HERC6: variants seen among roughly 807,000 people sequenced by gnomAD.
HERC6 encodes the protein HECT and RLD domain containing E3 ubiquitin protein ligase family member 6.
In HERC6, 101 loss-of-function variants were observed where a neutral mutation model predicts 114.5. The ratio of observed to expected loss-of-function variants is 0.88; its 90% CI spans 0.75 to 1.04. The LOEUF (loss-of-function observed/expected upper bound fraction) is 1.04. Among genes scored for constraint, HERC6 ranks in the 50% least tolerant of loss-of-function variants. The pLI is 0.00. For missense variants in HERC6, 1,133 were observed against 1,230.9 expected, an observed-to-expected ratio of 0.92 and a Z score of 1.19; for synonymous variants, 408 against 436.2, an observed-to-expected ratio of 0.94 and a Z score of 0.81.
rs1407913847 is a variant in HERC6, at chr4:88,417,466, C to T, written c.1600C>T (p.Leu534=). 4 of 1,611,150 alleles carry T rather than the reference C, an allele frequency of 2.5e-6. No homozygotes were observed. The South Asian group carries it at 4.4e-5, about 18-fold the overall frequency. ...TTTGCAAGAATCTTCTCTGAATCCG[C>T]TGATCCAGATGCTTAAAGCAGCCAT... ...AFLQESSLNP[L]IQMLKAAIIS... Residue 534 remains leucine, a synonymous_variant, in exon 13 of 23, where the codon CTG becomes TTG. Transcript: ENST00000264346.
At chr4:88,440,103 ATATT>A in intron 21 of HERC6, 41 bp from the exon 22 acceptor site, 1 of 1,603,984 alleles carries the variant, frequency 6.2e-7, no homozygotes, top group Non-Finnish European at 8.5e-7. Context: ...CAACTTCTAT[ATATT>A]CCACCCCACT....
At chr4:88,380,164 AAT>A (rs1353159150) in intron 1 of HERC6, among the ~76,000 whole-genome samples, 24 of 15,908 alleles carry the variant, frequency 1.5e-3, no homozygotes, top group South Asian at 3.1e-3. Context: ...ATAATATATA[AAT>A]ATATATATAA....
chr4:88,440,427 G>C, intron 22 of HERC6, 177 bp downstream of exon 22: 1 of 545,594 alleles, frequency 1.8e-6, no homozygotes, highest in Non-Finnish European at 3.2e-6. Flanking sequence ...GTATAGAGCA[G>C]AAACTTAATA....
At chr4:88,396,746 G>C (rs769959982) in intron 6 of HERC6, 105 bp from the exon 7 acceptor site, 3 of 1,114,374 alleles carry the variant, frequency 2.7e-6, no homozygotes, top group Non-Finnish European at 2.4e-6. Flanking sequence ...CTTAGTAAAA[G>C]TAAATTGGGC....
At chr4:88,430,094 G>A (rs1008685483) in intron 16 of HERC6, among the ~76,000 whole-genome samples, 2 of 152,256 alleles carry the variant, frequency 1.3e-5, no homozygotes, top group East Asian at 1.9e-4. Flanking sequence ...TCTATTGATC[G>A]AAGCAGCAGT....
intron 5 of HERC6, among the ~76,000 whole-genome samples, chr4:88,394,528 A>AATTATTATTATT (rs200735450): frequency 4.9e-5 from 7 of 142,306 alleles, no homozygotes; most frequent in South Asian, 2.2e-4. Flanking sequence ...CCCTTTTAGC[A>AATTATTATTATT]ATTATTATTA....
chr4:88,384,094 C>T (rs1207992198), intron 2 of HERC6, among the ~76,000 whole-genome samples: 1 of 152,132 alleles, frequency 6.6e-6, no homozygotes, highest in Non-Finnish European at 1.5e-5. Flanking sequence ...TTCCCAGTAA[C>T]TTCCTTGAGT....
At chr4:88,438,671 A>C (rs1024525195) in intron 20 of HERC6, among the ~76,000 whole-genome samples, 3 of 152,212 alleles carry the variant, frequency 2.0e-5, no homozygotes, top group Admixed American at 1.3e-4. Flanking sequence ...AGCTTGTGAG[A>C]GCTGATTGTT....
At chr4:88,414,018 A>G (rs1353626279) in intron 12 of HERC6, among the ~76,000 whole-genome samples, 4 of 152,200 alleles carry the variant, frequency 2.6e-5, no homozygotes, top group Non-Finnish European at 4.4e-5. Context: ...ATGAAAGGCA[A>G]TTCTGTTCTC....
At chr4:88,413,312 C>A in intron 12 of HERC6, 46 bp downstream of exon 12, 3 of 1,427,478 alleles carry the variant, frequency 2.1e-6, no homozygotes, top group African/African-American at 1.4e-5. Flanking sequence ...TAGAGTCACT[C>A]TCTGAAGTAG....
At chr4:88,437,885 T>A (rs913378377) in intron 20 of HERC6, 104 bp downstream of exon 20, 1 of 874,202 alleles carries the variant, frequency 1.1e-6, no homozygotes, top group Non-Finnish European at 1.8e-6. Flanking sequence ...ACACCTGTAA[T>A]CCCAGCAATT....
intron 1 of HERC6, among the ~76,000 whole-genome samples, chr4:88,381,661 G>T (rs766573470): frequency 1.3e-5 from 2 of 149,216 alleles, no homozygotes; most frequent in African/African-American, 2.5e-5. Flanking sequence ...CAGTTCAAAC[G>T]GTTCTTCTGC....
intron 2 of HERC6, among the ~76,000 whole-genome samples, chr4:88,385,181 A>T (rs1460672159): frequency 6.6e-6 from 1 of 152,202 alleles, no homozygotes; most frequent in Non-Finnish European, 1.5e-5. Flanking sequence ...TATACTATAT[A>T]TGCAGAAAAA....
At chr4:88,379,187 G>C in intron 1 of HERC6, 67 bp downstream of exon 1, 8 of 1,287,918 alleles carry the variant, frequency 6.2e-6, no homozygotes, top group Non-Finnish European at 7.3e-6. Flanking sequence ...CTTGGGTACC[G>C]GGCGCAGGGA....
At chr4:88,407,143 TCTCTGCTCACTGCAGCCTCCGC>T (rs1429734770) in intron 10 of HERC6, among the ~76,000 whole-genome samples, 1 of 152,122 alleles carries the variant, frequency 6.6e-6, no homozygotes, top group Non-Finnish European at 1.5e-5. Flanking sequence ...TGTGGCGTGA[TCTCTGCTCACTGCAGCCTCCGC>T]CTCGTGGGTT....
At chr4:88,413,295 C>T in intron 12 of HERC6, 29 bp downstream of exon 12, 1 of 1,539,278 alleles carries the variant, frequency 6.5e-7, no homozygotes, top group Non-Finnish European at 8.9e-7. Context: ...TATCTGTACT[C>T]TCAATATAGA....
Position 88,436,896 on chromosome 4 carries a change from C to A in HERC6, c.2418-9C>A. The A allele has an allele frequency of 6.3e-7, 1 of 1,587,298 alleles. No homozygotes were observed. Among genetic ancestry groups the A allele is most frequent in the Non-Finnish European group, 8.6e-7 (1 of 1,166,840 alleles). On this transcript the variant is annotated splice_polypyrimidine_tract_variant and intron_variant, in intron 18 of 22. Coordinates refer to ENST00000264346, the MANE Select transcript of HERC6 (RefSeq NM_017912.4). ...TAAATATAATTTTTAAAACCAAAAT[C>A]TTCATTAGGAGTTTGCAAGAAGTTC...
At chr4:88,406,253 T>C (rs1270844451) in intron 10 of HERC6, among the ~76,000 whole-genome samples, 1 of 152,254 alleles carries the variant, frequency 6.6e-6, no homozygotes, top group African/African-American at 2.4e-5. Context: ...CTGCAGCTAG[T>C]GTAACTCATA....
intron 13 of HERC6, among the ~76,000 whole-genome samples, chr4:88,422,866 C>T (rs560292484): frequency 1.3e-5 from 2 of 152,134 alleles, no homozygotes; most frequent in Admixed American, 6.5e-5. Context: ...ATTTCTTTGT[C>T]GGAAGTTTTT....
Sources: gnomAD v4.1 joint callset for allele counts (sites outside exome capture counted in the v4.1 genomes callset) on GRCh38, gnomAD v4.1.1 for gene constraint, MANE v1.5 for transcripts, NCBI Gene and HGNC (gene_info 2026-07-23, HGNC 2026-07-21) for gene names.